The following POLR1H variants were observed in gnomAD, a reference collection of about 807,000 sequenced individuals.
POLR1H encodes DNA-directed RNA polymerase I subunit RPA12.
In POLR1H, 5 loss-of-function variants were observed where a neutral mutation model predicts 15.8. That is an observed-to-expected ratio of 0.32 (90% CI 0.17 to 0.67). The LOEUF (loss-of-function observed/expected upper bound fraction) is 0.67. POLR1H is among the 30% of genes least tolerant of loss of function. POLR1H has a pLI of 0.74. For missense variants in POLR1H, 100 were observed against 163.4 expected, an observed-to-expected ratio of 0.61 and a Z score of 2.11; for synonymous variants, 43 against 58.3, an observed-to-expected ratio of 0.74 and a Z score of 1.20.
chr6:30,061,666 C>T lies in POLR1H; in HGVS notation c.142C>T (p.Arg48Trp), dbSNP rs868225806. ...CIRCGFNINV[R>W]DFEGKVVKTS... ...TCGCTGTGGCTTCAACATCAACGTT[C>T]GGGGTGAGAGGCTTGTACGCAGGGG... is the stretch of plus-strand genomic sequence containing the variant. The change falls in exon 1 of 4, where the codon CGG becomes TGG. Residue 48 changes from arginine to tryptophan, a missense_variant. Arg to Trp is a moderately radical substitution (Grantham distance 101). Around this residue, in one of 2 missense-constraint regions of POLR1H, gnomAD observed 87 missense variants for 119.8 expected, o/e 0.73. Coordinates refer to ENST00000332435, the MANE Select transcript of POLR1H (RefSeq NM_170783.4). This position sits in a 1 kb window ranked among gnomAD's most constrained non-coding sequence, Gnocchi z 5.0. 2 of 1,612,932 alleles carry T rather than the reference C, an allele frequency of 1.2e-6. No individual in the cohort carries two copies. The highest frequency in any genetic ancestry group is 3.3e-5 in the Admixed American group (2 of 60,018).
At chr6:30,062,714 CTTTTTTTTTTT>C (rs9278555) in intron 3 of POLR1H, among the ~76,000 whole-genome samples, 20 of 42,378 alleles carry the variant, frequency 4.7e-4, no homozygotes, top group Middle Eastern at 0.015. Flanking sequence ...CCACGCCTGG[CTTTTTTTTTTT>C]TTTTTTTTTT....
In POLR1H at chr6:30,061,831, G is replaced by A. The variant is rs1582351796; in HGVS notation, c.146-86G>A. 1.3e-6 allele frequency: 2 copies of A among 1,562,514 alleles called. No individual in the cohort carries two copies. The highest frequency in any genetic ancestry group is 2.7e-5 in the African/African-American group (2 of 73,774). Reference sequence around the variant, plus strand: ...TGAGGGAAAGGATGTAGGGCCTCCTGGCCTAACCAGCCAGGGGAAAGGGGA... The same window carrying A: ...TGAGGGAAAGGATGTAGGGCCTCCTAGCCTAACCAGCCAGGGGAAAGGGGA... On this transcript the variant is annotated intron_variant, in intron 1 of 3. Coordinates refer to ENST00000332435, the MANE Select transcript of POLR1H (RefSeq NM_170783.4). The surrounding 1 kb of genome is among the most constrained non-coding windows in gnomAD (Gnocchi z 5.0).
chr6:30,064,896 A>G lies in POLR1H; in HGVS notation c.*199A>G, dbSNP rs3188482. 0.092 allele frequency: 40,020 copies of G among 433,336 alleles called. 2,756 individuals are homozygous for G. Among genetic ancestry groups the G allele is most frequent in the African/African-American group, 0.22 (10,999 of 49,050 alleles). 26.8% of individuals were successfully genotyped at this position (433,336 alleles called of 1,614,324 possible). A position where few individuals can be genotyped will look rare whatever the true frequency, so the allele number is the denominator to read the frequency against. ...TTCCTTATTAAAGTTATATTTTTCT[A>G]TAAGACCCTGACATATGTATGTTAC... On this transcript the variant is annotated 3_prime_UTR_variant, in exon 4 of 4. Coordinates refer to ENST00000332435, the MANE Select transcript of POLR1H (RefSeq NM_170783.4).
In POLR1H at chr6:30,061,415, T is replaced by G; in HGVS notation, c.-110T>G. On this transcript the variant is annotated 5_prime_UTR_variant, in exon 1 of 4. Transcript: ENST00000332435. This position sits in a 1 kb window ranked among gnomAD's most constrained non-coding sequence, Gnocchi z 5.0. ...GCAGGAGGCGTGCGTGGCAGGAGGG[T>G]TCGGGTTATATACTCCTAGGTCCTG... 1.5e-6 allele frequency: 2 copies of G among 1,292,432 alleles called. No individual in the cohort carries two copies. The highest frequency in any genetic ancestry group is 1.1e-6 in the Non-Finnish European group (1 of 939,000). 80.1% of individuals were successfully genotyped at this position (1,292,432 alleles called of 1,614,324 possible). A position where few individuals can be genotyped will look rare whatever the true frequency, so the allele number is the denominator to read the frequency against.
At chr6:30,064,584 C>T in intron 3 of POLR1H, 89 bp from the exon 4 acceptor site, 1 of 1,246,242 alleles carries the variant, frequency 8.0e-7, no homozygotes, top group Admixed American at 2.1e-5. Context: ...AATAAAAGTC[C>T]TTCCTTGATT....
At position 30,061,522 on chromosome 6, in the gene POLR1H, C is replaced by T; in HGVS notation, c.-3C>T. ...TTCCAACTCCCTCCTCAGACCCGAC[C>T]GCATGTCTGTCATGGACCTCGCCAA... On this transcript the variant is annotated 5_prime_UTR_variant, in exon 1 of 4. Transcript: ENST00000332435. The surrounding 1 kb of genome is among the most constrained non-coding windows in gnomAD (Gnocchi z 5.0). The T allele has an allele frequency of 6.2e-7, 1 of 1,612,988 alleles. No individual in the cohort carries two copies. Among genetic ancestry groups the T allele is most frequent in the Non-Finnish European group, 8.5e-7 (1 of 1,179,972 alleles).
Position 30,061,936 on chromosome 6 carries a change from G to A in POLR1H, c.165G>A (p.Val55=), listed in dbSNP as rs1175056401. 6.2e-7 allele frequency: 1 copy of A among 1,613,010 alleles called. No homozygotes were observed. Among genetic ancestry groups the A allele is most frequent in the Non-Finnish European group, 8.5e-7 (1 of 1,180,026 alleles). The change falls in exon 2 of 4, where the codon GTG becomes GTA. Residue 55 remains valine, a synonymous_variant. Transcript: ENST00000332435. The surrounding 1 kb of genome is among the most constrained non-coding windows in gnomAD (Gnocchi z 5.0). ...GTGCAGACTTTGAGGGGAAGGTTGT[G>A]AAGACTTCGGTTGTGTTCCACCAAC... ...INVRDFEGKV[V]KTSVVFHQLG...
chr6:30,061,627 A>G lies in POLR1H; in HGVS notation c.103A>G (p.Thr35Ala). The G allele has an allele frequency of 6.2e-7, 1 of 1,612,992 alleles. No homozygotes were observed. Among genetic ancestry groups the G allele is most frequent in the Non-Finnish European group, 8.5e-7 (1 of 1,180,022 alleles). Residue 35 changes from threonine to alanine, a missense_variant, in exon 1 of 4, where the codon ACG becomes GCG. By Grantham distance (58) the Thr-to-Ala change is moderately conservative. Around this residue, in one of 2 missense-constraint regions of POLR1H, gnomAD observed 87 missense variants for 119.8 expected, o/e 0.73. Coordinates refer to ENST00000332435, the MANE Select transcript of POLR1H (RefSeq NM_170783.4). The surrounding 1 kb of genome is among the most constrained non-coding windows in gnomAD (Gnocchi z 5.0). ...SVLPLPGAQDTVTCIRCGFNI... is the reference protein window; with the variant it reads ...SVLPLPGAQDAVTCIRCGFNI... ...CCTGCCTCTGCCCGGGGCTCAGGAT[A>G]CGGTCACCTGTATTCGCTGTGGCTT...
rs1007285032 is a variant in POLR1H at position 30,064,595 on chromosome 6, A to G, written c.357-78A>G. 17 of 1,347,870 alleles carry G rather than the reference A, an allele frequency of 1.3e-5. No homozygotes were observed. In the African/African-American group the frequency reaches 1.9e-4, roughly 15 times the overall value. 83.5% of individuals were successfully genotyped at this position (1,347,870 alleles called of 1,614,324 possible). On this transcript the variant is annotated intron_variant, in intron 3 of 3. Coordinates refer to ENST00000332435, the MANE Select transcript of POLR1H (RefSeq NM_170783.4). Reference sequence around the variant, plus strand: ...CATAAATAAAAGTCCTTCCTTGATTATTTGATTGCATATCTTATCTTATAC... The same window carrying G: ...CATAAATAAAAGTCCTTCCTTGATTGTTTGATTGCATATCTTATCTTATAC...
intron 3 of POLR1H, 109 bp from the exon 4 acceptor site, chr6:30,064,564 T>A: frequency 1.0e-6 from 1 of 964,346 alleles, no homozygotes; most frequent in South Asian, 1.6e-5. Flanking sequence ...CAGTCCTCAA[T>A]GATGTCATAA....
Position 30,064,817 on chromosome 6 carries a change from A to G in POLR1H, c.*120A>G. The G allele has an allele frequency of 1.2e-6, 1 of 806,930 alleles. No individual in the cohort carries two copies. The highest frequency in any genetic ancestry group is 1.7e-5 in the South Asian group (1 of 59,358). The allele number at this position is 806,930 out of a possible 1,614,324, so 50.0% of individuals were successfully genotyped here. On this transcript the variant is annotated 3_prime_UTR_variant, in exon 4 of 4. Coordinates refer to ENST00000332435, the MANE Select transcript of POLR1H (RefSeq NM_170783.4). ...TGTTTTGCTCCCAGAAGAGAATCAG[A>G]TCATCATGTGGGGATTACCATTGTT...
rs1425667961 is a variant in POLR1H at position 30,061,517 on chromosome 6, C to G, written c.-8C>G. 1 of 1,612,956 alleles carries G rather than the reference C, an allele frequency of 6.2e-7. No individual in the cohort carries two copies. ...TAAACTTCCAACTCCCTCCTCAGAC[C>G]CGACCGCATGTCTGTCATGGACCTC... On this transcript the variant is annotated 5_prime_UTR_variant, in exon 1 of 4. Transcript: ENST00000332435. The surrounding 1 kb of genome is among the most constrained non-coding windows in gnomAD (Gnocchi z 5.0).
rs1279488455 is a variant in POLR1H, at chr6:30,061,294, T to C, written c.-231T>C. 1 of 457,710 alleles carries C rather than the reference T, an allele frequency of 2.2e-6. No individual in the cohort carries two copies. Among genetic ancestry groups the C allele is most frequent in the Admixed American group, 3.8e-5 (1 of 26,108 alleles). 28.4% of individuals were successfully genotyped at this position (457,710 alleles called of 1,614,324 possible). A position where few individuals can be genotyped will look rare whatever the true frequency, so the allele number is the denominator to read the frequency against. On this transcript the variant is annotated 5_prime_UTR_variant, in exon 1 of 4. Coordinates refer to ENST00000332435, the MANE Select transcript of POLR1H (RefSeq NM_170783.4). This position sits in a 1 kb window ranked among gnomAD's most constrained non-coding sequence, Gnocchi z 5.0. ...CTGGCGCTCTAGCCCACGGAGTTGG[T>C]TAACTCCTCTCACCGGCCCCTGGAA...
rs138940267 is a variant in POLR1H at position 30,063,150 on chromosome 6, A to ATT, written c.356+817_356+818insTT. On this transcript the variant is annotated intron_variant, in intron 3 of 3. Coordinates refer to ENST00000332435, the MANE Select transcript of POLR1H (RefSeq NM_170783.4). This position sits in a 1 kb window ranked among gnomAD's most constrained non-coding sequence, Gnocchi z 4.1. The stretch of plus-strand genomic sequence containing the variant: ...TTGGACTTTCTGAAACTGAGAGTGG[A>ATT]CTTTTTTTTCATCAACCTTGGAAAA... Among the ~76,000 whole-genome samples, 7,890 of 151,910 alleles carry ATT rather than the reference A, an allele frequency of 0.052. 246 individuals carry two copies. Among genetic ancestry groups the ATT allele is most frequent in the Admixed American group, 0.068 (1,040 of 15,260 alleles).
rs201951402 is a variant in POLR1H at position 30,064,415 on chromosome 6, C to CT, written c.357-248dup. Among the ~76,000 whole-genome samples the CT allele has an allele frequency of 3.4e-4, 50 of 148,116 alleles. 1 individual carries two copies. The East Asian group carries it at 3.5e-3, about 10-fold the overall frequency. On this transcript the variant is annotated intron_variant, in intron 3 of 3. Transcript: ENST00000332435. ...AAGTTTTTATAAGGTTCAGCTTATC[C>CT]TTTTTTTTTTCTTTTACAGCTAGTG...
intron 3 of POLR1H, 65 bp from the exon 4 acceptor site, chr6:30,064,608 T>C: frequency 6.8e-7 from 1 of 1,464,772 alleles, no homozygotes; most frequent in South Asian, 1.2e-5. Flanking sequence ...TGATTGCATA[T>C]CTTATCTTAT....
chr6:30,062,582 G>A (rs1326612435), intron 3 of POLR1H, among the ~76,000 whole-genome samples: 12 of 111,670 alleles, frequency 1.1e-4, no homozygotes, highest in East Asian at 1.1e-3. Context: ...ACAGGGTGTC[G>A]CTCTGTCACC....
chr6:30,061,752 G>C lies in POLR1H; in HGVS notation c.145+83G>C. On this transcript the variant is annotated intron_variant, in intron 1 of 3. Coordinates refer to ENST00000332435, the MANE Select transcript of POLR1H (RefSeq NM_170783.4). This position sits in a 1 kb window ranked among gnomAD's most constrained non-coding sequence, Gnocchi z 5.0. ...ACTCAAGATCGGTTGGGTTGAGGAG[G>C]GGATCCTAGAGCAGGACATCAGGCG... 1 of 1,594,412 alleles carries C rather than the reference G, an allele frequency of 6.3e-7. No homozygotes were observed. Among genetic ancestry groups the C allele is most frequent in the Non-Finnish European group, 8.6e-7 (1 of 1,167,246 alleles).
chr6:30,063,813 C>T lies in POLR1H; in HGVS notation c.357-860C>T, dbSNP rs1376597032. Among the ~76,000 whole-genome samples the T allele has an allele frequency of 1.3e-5, 2 of 152,160 alleles. No individual in the cohort carries two copies. The highest frequency in any genetic ancestry group is 4.8e-5 in the African/African-American group (2 of 41,446). ...ATTACTTTAAATAAATTCTTGGCTTCATGTTTTTTGGAGCAGACAGATAGT... is the reference window on the plus strand; with the variant it reads ...ATTACTTTAAATAAATTCTTGGCTTTATGTTTTTTGGAGCAGACAGATAGT... On this transcript the variant is annotated intron_variant, in intron 3 of 3. Coordinates refer to ENST00000332435, the MANE Select transcript of POLR1H (RefSeq NM_170783.4). The surrounding 1 kb of genome is among the most constrained non-coding windows in gnomAD (Gnocchi z 4.1).
Sources: gnomAD v4.1 joint callset for allele counts (sites outside exome capture counted in the v4.1 genomes callset) on GRCh38, gnomAD v4.1.1 for gene constraint, gnomAD v4.1.1 regional missense constraint, Gnocchi (gnomAD v3.1) non-coding constraint, MANE v1.5 for transcripts, NCBI Gene and HGNC (gene_info 2026-07-23, HGNC 2026-07-21) for gene names.